The following TMED1 variants were observed in gnomAD, a reference collection of about 807,000 sequenced individuals.
The protein encoded by TMED1 is transmembrane emp24 domain-containing protein 1.
A neutral mutation model predicts 21.2 loss-of-function variants in TMED1; 20 were observed. That is an observed-to-expected ratio of 0.95 (90% CI 0.67 to 1.37). The LOEUF (loss-of-function observed/expected upper bound fraction) is 1.37, where lower values mean the gene tolerates loss of function less well. Among genes scored for constraint, TMED1 ranks in the 40% most tolerant of loss-of-function variants. The probability of loss-of-function intolerance (pLI) is 0.00; values close to 1 mark genes in which losing one functional copy is unlikely to be tolerated. For synonymous variants in TMED1, 149 were observed against 134.7 expected, an observed-to-expected ratio of 1.11 and a Z score of -0.74; for missense variants, 316 against 309.8, an observed-to-expected ratio of 1.02 and a Z score of -0.15.
chr19:10,835,836 C>G (rs1443229174), intron 1 of TMED1, 173 bp downstream of exon 1: 1 of 981,568 alleles, frequency 1.0e-6, no homozygotes, highest in African/African-American at 1.8e-5. Flanking sequence ...TACTCCCTCC[C>G]CTTCCGCTCC....
chr19:10,836,155 A>C lies in TMED1; in HGVS notation c.37T>G (p.Trp13Gly), dbSNP rs755836430. 70 of 1,565,614 alleles carry C rather than the reference A, an allele frequency of 4.5e-5. No individual in the cohort carries two copies. The highest frequency in any genetic ancestry group is 5.8e-5 in the Non-Finnish European group (67 of 1,156,738). The change falls in exon 1 of 4, where the codon TGG becomes GGG. Residue 13 changes from tryptophan to glycine, a missense_variant. Coordinates refer to ENST00000214869, the MANE Select transcript of TMED1 (RefSeq NM_006858.4). ...ACCTCCACTGGTGGCATTAGTAGCC[A>C]CAAGGCCAGGGCTAGGGCCGCGCCG... is the stretch of plus-strand genomic sequence containing the variant. ...AAGAALALAL[W>G]LLMPPVEVGG...
At chr19:10,833,387 C>T in intron 3 of TMED1, 174 bp from the exon 4 acceptor site, 1 of 610,146 alleles carries the variant, frequency 1.6e-6, no homozygotes, top group Non-Finnish European at 2.9e-6. Flanking sequence ...CTGGCTGTGA[C>T]CATGAGCAAC....
chr19:10,835,239 A>C lies in TMED1; in HGVS notation c.281+17T>G. On this transcript the variant is annotated intron_variant, in intron 2 of 3. Transcript: ENST00000214869. ...GGGCTGTAACTGAACCCAGGCAGGC[A>C]TCAAGACTGAACTCACGTGTGTACC... 6.2e-7 allele frequency: 1 copy of C among 1,614,086 alleles called. No individual in the cohort carries two copies. Among genetic ancestry groups the C allele is most frequent in the Non-Finnish European group, 8.5e-7 (1 of 1,179,966 alleles).
In TMED1 at chr19:10,833,163, G is replaced by T. The variant is rs142246182; in HGVS notation, c.516C>A (p.Leu172=). ...GTGCCTCGAAGGCCCGCAGTAGCGT[G>T]AGCATCTGGATGCTGCGCTCCAGCC... ...RTRLERSIQM[L]TLLRAFEARD... is the part of the protein sequence containing the mutation. The change falls in exon 4 of 4, where the codon CTC becomes CTA. Residue 172 remains leucine, a synonymous_variant. Coordinates refer to ENST00000214869, the MANE Select transcript of TMED1 (RefSeq NM_006858.4). 13 of 1,613,776 alleles carry T rather than the reference G, an allele frequency of 8.1e-6. No homozygotes were observed. The highest frequency in any genetic ancestry group is 1.6e-4 in the Middle Eastern group (1 of 6,084).
intron 3 of TMED1, 59 bp downstream of exon 3, chr19:10,834,875 G>T (rs1241786376): frequency 1.3e-6 from 2 of 1,567,882 alleles, no homozygotes; most frequent in South Asian, 2.4e-5. Context: ...CCCAAGGGGG[G>T]CACCCCAGGT....
intron 1 of TMED1, 40 bp downstream of exon 1, chr19:10,835,969 C>G: frequency 6.5e-7 from 1 of 1,538,306 alleles, no homozygotes; most frequent in South Asian, 1.2e-5. Flanking sequence ...CACGCCCCCT[C>G]TCCCTGACTC....
intron 3 of TMED1, chr19:10,834,671 G>T (rs1406446945): frequency 1.0e-5 from 3 of 287,496 alleles, no homozygotes; most frequent in Non-Finnish European, 2.0e-5. Flanking sequence ...GTAGAGACGG[G>T]GTTTCACCAT....
In TMED1 at chr19:10,832,509, C is replaced by A; in HGVS notation, c.*486G>T. 2 of 634,618 alleles carry A rather than the reference C, an allele frequency of 3.2e-6. No individual in the cohort carries two copies. The highest frequency in any genetic ancestry group is 3.6e-5 in the South Asian group (2 of 55,274). 39.3% of individuals were successfully genotyped at this position (634,618 alleles called of 1,614,324 possible). A position where few individuals can be genotyped will look rare whatever the true frequency, so the allele number is the denominator to read the frequency against. On this transcript the variant is annotated 3_prime_UTR_variant, in exon 4 of 4. Coordinates refer to ENST00000214869, the MANE Select transcript of TMED1 (RefSeq NM_006858.4). ...ACCCTTTGTTATAGGAGGCTTCTGC[C>A]TAGACTTTGGCCGGGCCATCCCTCA...
At position 10,834,964 on chromosome 19, in the gene TMED1, C is replaced by T; in HGVS notation, c.435G>A (p.Glu145=). 6.2e-7 allele frequency: 1 copy of T among 1,614,128 alleles called. No individual in the cohort carries two copies. The highest frequency in any genetic ancestry group is 8.5e-7 in the Non-Finnish European group (1 of 1,179,984). ...EGWAEAVEPE[E]MLDVKMEDIK... is the part of the protein sequence containing the mutation. ...TGTCCTCCATTTTAACATCCAGCAT[C>T]TCCTCGGGCTCCACAGCCTCTGCCC... is the stretch of plus-strand genomic sequence containing the variant. The change falls in exon 3 of 4, where the codon GAG becomes GAA. Residue 145 remains glutamate, a synonymous_variant. Coordinates refer to ENST00000214869, the MANE Select transcript of TMED1 (RefSeq NM_006858.4).
intron 3 of TMED1, among the ~76,000 whole-genome samples, chr19:10,833,909 C>T (rs201361999): frequency 6.6e-6 from 1 of 152,140 alleles, no homozygotes; most frequent in South Asian, 2.1e-4. Flanking sequence ...GTAGCTCACA[C>T]CTGTAATCCC....
chr19:10,832,216 GCTT>G lies in TMED1; in HGVS notation c.*776_*778del, dbSNP rs2073364533. The G allele has an allele frequency of 1.3e-5, 15 of 1,177,398 alleles. No homozygotes were observed. Among genetic ancestry groups the G allele is most frequent in the Non-Finnish European group, 1.7e-5 (15 of 886,704 alleles). The allele number at this position is 1,177,398 out of a possible 1,614,324, so 72.9% of individuals were successfully genotyped here. On this transcript the variant is annotated 3_prime_UTR_variant, in exon 4 of 4. Coordinates refer to ENST00000214869, the MANE Select transcript of TMED1 (RefSeq NM_006858.4). ...CACCCCCTTCCTACCCTCAGGCCCTGCTTCTCTCACCTCGTGGGGAAGCCCAAG... is the reference window on the plus strand; with the variant it reads ...CACCCCCTTCCTACCCTCAGGCCCTGCTCTCACCTCGTGGGGAAGCCCAAG...
In TMED1 at chr19:10,835,366, TAA is replaced by T; in HGVS notation, c.184-15_184-14del. 1 of 1,613,068 alleles carries T rather than the reference TAA, an allele frequency of 6.2e-7. No homozygotes were observed. Among genetic ancestry groups the T allele is most frequent in the Non-Finnish European group, 8.5e-7 (1 of 1,179,798 alleles). On this transcript the variant is annotated splice_polypyrimidine_tract_variant and intron_variant, in intron 1 of 3. Transcript: ENST00000214869. ...CACCTCCGATCACCTGGGGGGCAGG[TAA>T]GAGCGGGTGGAGGGCTAGCGGTAGG... is the stretch of plus-strand genomic sequence containing the variant.
At position 10,833,012 on chromosome 19, in the gene TMED1, G is replaced by C; in HGVS notation, c.667C>G (p.Arg223Gly). ...CTLKRFFQDK[R>G]PVPT Reference sequence around the variant, plus strand: ...GGCAGGGGCTACGTGGGCACCGGGCGCTTGTCCTGGAAGAAGCGCTTGAGC... The same window carrying C: ...GGCAGGGGCTACGTGGGCACCGGGCCCTTGTCCTGGAAGAAGCGCTTGAGC... Residue 223 changes from arginine to glycine, a missense_variant, in exon 4 of 4, where the codon CGC (arginine) becomes GGC (glycine). Arg to Gly is a moderately radical substitution (Grantham distance 125). Transcript: ENST00000214869. 3 of 1,613,122 alleles carry C rather than the reference G, an allele frequency of 1.9e-6. No homozygotes were observed. The highest frequency in any genetic ancestry group is 2.5e-6 in the Non-Finnish European group (3 of 1,180,016).
In TMED1 at chr19:10,833,180, G is replaced by A. The variant is rs373835440; in HGVS notation, c.499C>T (p.Arg167Cys). 8.7e-6 allele frequency: 14 copies of A among 1,613,478 alleles called. No homozygotes were observed. Among genetic ancestry groups the A allele is most frequent in the African/African-American group, 6.7e-5 (5 of 74,926 alleles). ...AGTAGCGTGAGCATCTGGATGCTGC[G>A]CTCCAGCCGGGTCCGCATGGTCTCA... is the stretch of plus-strand genomic sequence containing the variant. ...SIETMRTRLE[R>C]SIQMLTLLRA... The change falls in exon 4 of 4, where the codon CGC (arginine) becomes TGC (cysteine). Residue 167 changes from arginine to cysteine, a missense_variant. Physicochemically the swap from Arg to Cys is radical, Grantham distance 180. Coordinates refer to ENST00000214869, the MANE Select transcript of TMED1 (RefSeq NM_006858.4).
Position 10,832,457 on chromosome 19 carries a change from T to C in TMED1, c.*538A>G, listed in dbSNP as rs1432613613. On this transcript the variant is annotated 3_prime_UTR_variant, in exon 4 of 4. Coordinates refer to ENST00000214869, the MANE Select transcript of TMED1 (RefSeq NM_006858.4). ...CTCTTGTGATTTTCTGACCATAATT[T>C]ATTGACTCCAATGCCCAGGCCACAC... is the stretch of plus-strand genomic sequence containing the variant. 1 of 949,348 alleles carries C rather than the reference T, an allele frequency of 1.1e-6. No individual in the cohort carries two copies. The highest frequency in any genetic ancestry group is 6.1e-5 in the East Asian group (1 of 16,520). 58.8% of individuals were successfully genotyped at this position (949,348 alleles called of 1,614,324 possible). A position where few individuals can be genotyped will look rare whatever the true frequency, so the allele number is the denominator to read the frequency against.
chr19:10,835,448 C>T (rs1448639507), intron 1 of TMED1, 95 bp from the exon 2 acceptor site: 6 of 1,555,168 alleles, frequency 3.9e-6, no homozygotes, highest in Non-Finnish European at 5.2e-6. Context: ...TCAATACAGA[C>T]CACCAAGGGC....
intron 1 of TMED1, 154 bp from the exon 2 acceptor site, chr19:10,835,507 C>T (rs2073417519): frequency 6.8e-7 from 1 of 1,476,066 alleles, no homozygotes; most frequent in African/African-American, 1.4e-5. Context: ...GTCCCAGTGG[C>T]TGCGCCCCTT....
chr19:10,834,754 T>TA (rs2073404395), intron 3 of TMED1, 180 bp downstream of exon 3: 1 of 694,572 alleles, frequency 1.4e-6, no homozygotes, highest in African/African-American at 1.8e-5. Flanking sequence ...GTGCTGGGAT[T>TA]ACAGGCGTGA....
At chr19:10,834,680 A>G (rs1164459695) in intron 3 of TMED1, 3 of 313,292 alleles carry the variant, frequency 9.6e-6, no homozygotes, top group Non-Finnish European at 1.8e-5. Flanking sequence ...GGGTTTCACC[A>G]TGTTGGCCAG....
Sources: allele counts gnomAD v4.1 joint callset (sites outside exome capture counted in the v4.1 genomes callset), GRCh38; gene constraint gnomAD v4.1.1; transcripts MANE v1.5; gene names NCBI Gene and HGNC (gene_info 2026-07-23, HGNC 2026-07-21).